Variants in OSBP2 observed in about 807,000 individuals in gnomAD.
OSBP2 encodes oxysterol binding protein 2, also known as oxysterol-binding protein 2.
Under a neutral mutation model 96.0 loss-of-function variants are expected in OSBP2, and 66 were observed. The ratio of observed to expected loss-of-function variants is 0.69; its 90% CI spans 0.56 to 0.84. OSBP2 has a LOEUF of 0.84. Among genes scored for constraint, OSBP2 ranks in the 40% least tolerant of loss-of-function variants. The pLI, the probability that OSBP2 is intolerant of heterozygous loss-of-function variation, is 0.00. For synonymous variants in OSBP2, 525 were observed against 520.9 expected (o/e 1.01, Z -0.11); for missense variants, 1,038 against 1,222.7 (o/e 0.85, Z 2.25).
At chr22:30,802,919 C>G (rs1034248129) in intron 2 of OSBP2, among the ~76,000 whole-genome samples, 1 of 152,110 alleles carries the variant, frequency 6.6e-6, no homozygotes, top group Admixed American at 6.5e-5. Flanking sequence ...TCTGAGCTCG[C>G]GGGCTGGACG....
intron 2 of OSBP2, 35 bp downstream of exon 2, chr22:30,741,404 G>A: frequency 2.0e-6 from 3 of 1,531,786 alleles, no homozygotes; most frequent in Non-Finnish European, 2.7e-6. Context: ...TGTGTATATG[G>A]TGGTGTCATG....
Position 30,904,299 on chromosome 22 carries a change from C to T in OSBP2, c.2376-1538C>T, listed in dbSNP as rs775362304. 3.2e-4 allele frequency among the ~76,000 whole-genome samples: 48 copies of T among 152,328 alleles called. No individual in the cohort carries two copies. In the South Asian group the frequency reaches 6.4e-3, roughly 20 times the overall value. ...ACAGAACTCTCTCTCCTTCCTTCCA[C>T]CTGTCAGCTTCTCTGCTTCTGAGAT... On this transcript the variant is annotated intron_variant, in intron 12 of 13. Transcript: ENST00000332585.
intron 1 of OSBP2, among the ~76,000 whole-genome samples, chr22:30,734,482 G>C (rs1223915853): frequency 6.6e-6 from 1 of 152,174 alleles, no homozygotes; most frequent in Non-Finnish European, 1.5e-5. Flanking sequence ...CTTTGCCACT[G>C]TCTGGACTAT....
Position 30,906,520 on chromosome 22 carries a change from T to C in OSBP2, c.*181T>C. 2.8e-6 allele frequency: 2 copies of C among 714,074 alleles called. No homozygotes were observed. Among genetic ancestry groups the C allele is most frequent in the Non-Finnish European group, 4.2e-6 (2 of 473,038 alleles). 44.2% of individuals were successfully genotyped at this position (714,074 alleles called of 1,614,324 possible). A position where few individuals can be genotyped will look rare whatever the true frequency, so the allele number is the denominator to read the frequency against. ...CTCCCACCTTGGAAGGAGGAAGGGC[T>C]GACCTGGGTTCTCTCCAGCCCCCAG... On this transcript the variant is annotated 3_prime_UTR_variant, in exon 14 of 14. Transcript: ENST00000332585.
rs566510202 is a variant in OSBP2, at chr22:30,871,146, G to A, written c.1107+464G>A. On this transcript the variant is annotated intron_variant, in intron 3 of 13. Transcript: ENST00000332585. The surrounding 1 kb of genome is among the most constrained non-coding windows in gnomAD (Gnocchi z 4.7). ...GAGGGTGTGGTGGGGGGCTGCAGTC[G>A]AGGGCTCCCTGAGCTAGAAGGGCCT... is the stretch of plus-strand genomic sequence containing the variant. 3.3e-5 allele frequency among the ~76,000 whole-genome samples: 5 copies of A among 152,048 alleles called. No homozygotes were observed. The highest frequency in any genetic ancestry group is 3.9e-4 in the East Asian group (2 of 5,182).
intron 12 of OSBP2, among the ~76,000 whole-genome samples, chr22:30,898,457 A>G (rs2040114639): frequency 6.6e-6 from 1 of 152,234 alleles, no homozygotes; most frequent in African/African-American, 2.4e-5. Flanking sequence ...TGGGTAATTT[A>G]TAAAGGAGAA....
chr22:30,696,252 G>A (rs2089032054), intron 1 of OSBP2, among the ~76,000 whole-genome samples: 1 of 152,222 alleles, frequency 6.6e-6, no homozygotes, highest in African/African-American at 2.4e-5. Context: ...GTTGAAAGGA[G>A]GTTACTGAAG....
intron 1 of OSBP2, among the ~76,000 whole-genome samples, chr22:30,712,234 T>C (rs754986707): frequency 6.6e-5 from 10 of 152,106 alleles, no homozygotes; most frequent in Non-Finnish European, 1.5e-4. Context: ...GGACTTGACC[T>C]AACCCTCCCA....
At chr22:30,828,075 T>G (rs1464408033) in intron 2 of OSBP2, among the ~76,000 whole-genome samples, 1 of 152,074 alleles carries the variant, frequency 6.6e-6, no homozygotes, top group East Asian at 1.9e-4. Flanking sequence ...TGGGTGGGGC[T>G]GGGGACTCAC....
intron 2 of OSBP2, among the ~76,000 whole-genome samples, chr22:30,778,090 G>A (rs192950786): frequency 1.0e-3 from 150 of 150,714 alleles, no homozygotes; most frequent in Admixed American, 2.9e-3. Context: ...TGCCTCCCGG[G>A]TTCAAGAGAT....
chr22:30,790,272 C>T (rs2090653671), intron 2 of OSBP2, among the ~76,000 whole-genome samples: 1 of 151,998 alleles, frequency 6.6e-6, no homozygotes, highest in African/African-American at 2.4e-5. Flanking sequence ...CATGAAAATA[C>T]ATGGCACTGC....
At chr22:30,697,368 T>G (rs1331481127) in intron 1 of OSBP2, among the ~76,000 whole-genome samples, 1 of 152,026 alleles carries the variant, frequency 6.6e-6, no homozygotes, top group Non-Finnish European at 1.5e-5. Context: ...AACCTCCGCC[T>G]CCCAGGTTCA....
At chr22:30,879,962 GA>G (rs1053572290) in intron 3 of OSBP2, among the ~76,000 whole-genome samples, 7 of 152,132 alleles carry the variant, frequency 4.6e-5, no homozygotes, top group African/African-American at 1.7e-4. Context: ...TGAGGCACGA[GA>G]ATCGCTTGAG....
intron 2 of OSBP2, among the ~76,000 whole-genome samples, chr22:30,755,358 C>A (rs547227485): frequency 6.6e-6 from 1 of 152,292 alleles, no homozygotes; most frequent in East Asian, 1.9e-4. Context: ...CCAGAGAGAC[C>A]AGAGCTCACC....
chr22:30,829,181 A>C (rs2038468234), intron 2 of OSBP2, among the ~76,000 whole-genome samples: 1 of 152,182 alleles, frequency 6.6e-6, no homozygotes, highest in African/African-American at 2.4e-5. Flanking sequence ...GAGCTGGTTC[A>C]TTTGGCGTTC....
rs1267665729 is a variant in OSBP2, at chr22:30,881,583, G to C, written c.1108-5843G>C. 1.0e-5 allele frequency: 12 copies of C among 1,159,172 alleles called. No homozygotes were observed. Among genetic ancestry groups the C allele is most frequent in the Non-Finnish European group, 1.3e-5 (11 of 877,306 alleles). The allele number at this position is 1,159,172 out of a possible 1,614,324, so 71.8% of individuals were successfully genotyped here. Reference sequence around the variant, plus strand: ...GTTCAGGCCTGGGCTGGGTCAGCCAGGCCCTCCCTGGGCCCCTGGGAACCT... The same window carrying C: ...GTTCAGGCCTGGGCTGGGTCAGCCACGCCCTCCCTGGGCCCCTGGGAACCT... On this transcript the variant is annotated intron_variant, in intron 3 of 13. Coordinates refer to ENST00000332585, the MANE Select transcript of OSBP2 (RefSeq NM_030758.4). This position sits in a 1 kb window ranked among gnomAD's most constrained non-coding sequence, Gnocchi z 4.5.
At chr22:30,889,132 A>C (rs1210039873) in intron 5 of OSBP2, 45 bp from the exon 6 acceptor site, 2 of 1,552,630 alleles carry the variant, frequency 1.3e-6, no homozygotes, top group Non-Finnish European at 1.8e-6. Flanking sequence ...TCCCAAGGAG[A>C]CCTCGGGATT....
chr22:30,723,116 T>G (rs2089581299), intron 1 of OSBP2, among the ~76,000 whole-genome samples: 1 of 151,214 alleles, frequency 6.6e-6, no homozygotes, highest in African/African-American at 2.4e-5. Context: ...TTACAATTGG[T>G]TGATATTTCT....
chr22:30,885,735 C>T (rs757777012), intron 3 of OSBP2, among the ~76,000 whole-genome samples: 7 of 152,226 alleles, frequency 4.6e-5, no homozygotes, highest in Admixed American at 6.5e-5. Flanking sequence ...AGGACGTGGC[C>T]GCAGAATGCT....
Sources: gnomAD v4.1 joint callset for allele counts (sites outside exome capture counted in the v4.1 genomes callset) on GRCh38, gnomAD v4.1.1 for gene constraint, Gnocchi (gnomAD v3.1) non-coding constraint, MANE v1.5 for transcripts, NCBI Gene and HGNC (gene_info 2026-07-23, HGNC 2026-07-21) for gene names.